WDFY4: variants seen among roughly 807,000 people sequenced by gnomAD.
The protein encoded by WDFY4 is WDFY family member 4, also known as WD repeat- and FYVE domain-containing protein 4.
A neutral mutation model predicts 351.9 loss-of-function variants in WDFY4; 169 were observed. The observed-to-expected ratio is 0.48, with a 90% confidence interval of 0.42 to 0.55. The LOEUF (loss-of-function observed/expected upper bound fraction) is 0.55. Ranked by LOEUF, WDFY4 falls within the 20% of genes least tolerant of loss-of-function variation. The pLI is 0.00. For missense variants in WDFY4, 3,803 were observed against 3,935.6 expected (o/e 0.97, Z 0.90); for synonymous variants, 1,622 against 1,574.6 (o/e 1.03, Z -0.71).
intron 12 of WDFY4, chr10:48,745,546 TG>T: frequency 2.5e-6 from 1 of 403,116 alleles, no homozygotes; most frequent in Non-Finnish European, 4.7e-6. Context: ...ATTGGGCTCA[TG>T]GGTCTTGAGG....
chr10:48,717,752 ACTATATAGTATC>A (rs1363894270), intron 2 of WDFY4, among the ~76,000 whole-genome samples: 5 of 152,356 alleles, frequency 3.3e-5, no homozygotes, highest in African/African-American at 1.2e-4. Context: ...GTTTTTCAGT[ACTATATAGTATC>A]CTATTATATA....
chr10:48,913,578 C>T (rs765114590), intron 47 of WDFY4: 1 of 1,614,142 alleles, frequency 6.2e-7, no homozygotes, highest in South Asian at 1.1e-5. Context: ...CTCCAGCCTC[C>T]TGATGGAGTC....
intron 21 of WDFY4, among the ~76,000 whole-genome samples, chr10:48,789,591 C>T (rs74701022): frequency 0.014 from 2,144 of 152,342 alleles, 14 homozygotes; most frequent in Non-Finnish European, 0.02. Context: ...CCCTCTTGCT[C>T]TTCTTAGCAC....
At chr10:48,704,756 A>C (rs1404124304) in intron 1 of WDFY4, among the ~76,000 whole-genome samples, 1 of 152,228 alleles carries the variant, frequency 6.6e-6, no homozygotes, top group Non-Finnish European at 1.5e-5. Flanking sequence ...CGACTGGCGA[A>C]GGGACCCTGG....
Position 48,760,459 on chromosome 10 carries a change from G to A in WDFY4, c.2553+19G>A. On this transcript the variant is annotated intron_variant, in intron 13 of 61. Transcript: ENST00000325239. ...CCCACAGGTACCTGGTGTTGAATATGTGTGTTTTGTCATCTTCACATGACT... is the reference window on the plus strand; with the variant it reads ...CCCACAGGTACCTGGTGTTGAATATATGTGTTTTGTCATCTTCACATGACT... The A allele has an allele frequency of 1.3e-6, 2 of 1,550,812 alleles. No individual in the cohort carries two copies. The highest frequency in any genetic ancestry group is 1.2e-5 in the South Asian group (1 of 84,028).
chr10:48,981,232 TC>T (rs1232525031), intron 60 of WDFY4, 134 bp from the exon 61 acceptor site: 5 of 719,422 alleles, frequency 7.0e-6, no homozygotes, highest in Non-Finnish European at 1.1e-5. Context: ...TAAATATATT[TC>T]CCCCTCAATT....
At chr10:48,964,516 G>A (rs963327166) in intron 54 of WDFY4, among the ~76,000 whole-genome samples, 10 of 152,194 alleles carry the variant, frequency 6.6e-5, no homozygotes, top group Non-Finnish European at 1.2e-4. Context: ...GCTCAGAGAG[G>A]CTAAATAAAT....
intron 11 of WDFY4, 183 bp downstream of exon 11, chr10:48,736,253 T>C: frequency 4.4e-6 from 3 of 685,680 alleles, no homozygotes; most frequent in Non-Finnish European, 2.5e-6. Flanking sequence ...GCCTGGTACA[T>C]TTGAAATTTC....
chr10:48,745,941 G>T (rs907508528), intron 12 of WDFY4: 2 of 214,934 alleles, frequency 9.3e-6, no homozygotes, highest in Non-Finnish European at 1.9e-5. Context: ...CCTCATCAGG[G>T]TTGGTGCTCA....
At chr10:48,828,338 A>C (rs1237321833) in intron 36 of WDFY4, among the ~76,000 whole-genome samples, 1 of 152,196 alleles carries the variant, frequency 6.6e-6, no homozygotes, top group African/African-American at 2.4e-5. Flanking sequence ...AGCCCCAAAA[A>C]AGGGTTCTTC....
intron 43 of WDFY4, among the ~76,000 whole-genome samples, chr10:48,880,602 T>C (rs1193889974): frequency 6.6e-6 from 1 of 152,126 alleles, no homozygotes; most frequent in African/African-American, 2.4e-5. Flanking sequence ...GAGCAGGAGC[T>C]GTCCTGCTTC....
chr10:48,828,954 G>A (rs2068099402), intron 37 of WDFY4, 58 bp downstream of exon 37: 2 of 481,076 alleles, frequency 4.2e-6, no homozygotes, highest in South Asian at 2.0e-5. Flanking sequence ...GGGGGTGGTG[G>A]CAGGATAGTG....
At chr10:48,836,914 C>T (rs1027186681) in intron 39 of WDFY4, among the ~76,000 whole-genome samples, 4 of 152,138 alleles carry the variant, frequency 2.6e-5, no homozygotes, top group Admixed American at 2.6e-4. Flanking sequence ...GTGGATTCAG[C>T]TCTGCTTACG....
chr10:48,745,825 C>A, intron 12 of WDFY4: 1 of 349,650 alleles, frequency 2.9e-6, no homozygotes, highest in East Asian at 8.1e-5. Flanking sequence ...GGGATTCCAT[C>A]GAACACCTCG....
intron 1 of WDFY4, among the ~76,000 whole-genome samples, chr10:48,703,985 C>T (rs2063553032): frequency 6.6e-6 from 1 of 152,112 alleles, no homozygotes; most frequent in Admixed American, 6.5e-5. Flanking sequence ...ACAGGGAATC[C>T]CTCCCTCTTG....
intron 34 of WDFY4, 86 bp downstream of exon 34, chr10:48,821,262 C>A: frequency 3.6e-6 from 4 of 1,107,260 alleles, no homozygotes; most frequent in South Asian, 1.4e-5. Flanking sequence ...CAGGAACTGA[C>A]CCTAGCTGTG....
chr10:48,686,678 G>A (rs1388598549), intron 1 of WDFY4, among the ~76,000 whole-genome samples: 1 of 152,208 alleles, frequency 6.6e-6, no homozygotes, highest in Admixed American at 6.5e-5. Context: ...ATTGTTGCAT[G>A]TACCTGTAGA....
chr10:48,699,233 C>A (rs2063414243), intron 1 of WDFY4, among the ~76,000 whole-genome samples: 1 of 152,148 alleles, frequency 6.6e-6, no homozygotes, highest in African/African-American at 2.4e-5. Flanking sequence ...TGGCCATAGC[C>A]ACTCTGAGAC....
intron 58 of WDFY4, chr10:48,975,247 G>A (rs1022815342): frequency 2.0e-5 from 14 of 712,302 alleles, no homozygotes; most frequent in East Asian, 1.1e-4. Context: ...CCTCCCTCTG[G>A]TGTTGGGGAC....
Sources: allele counts gnomAD v4.1 joint callset (sites outside exome capture counted in the v4.1 genomes callset), GRCh38; gene constraint gnomAD v4.1.1; transcripts MANE v1.5; gene names NCBI Gene and HGNC (gene_info 2026-07-23, HGNC 2026-07-21).